The following ABI2 variants were observed in gnomAD, a reference collection of about 807,000 sequenced individuals.
ABI2 encodes the protein abl interactor 2.
In ABI2, 25 loss-of-function variants were observed where a neutral mutation model predicts 59.2. The ratio of observed to expected loss-of-function variants is 0.42; its 90% CI spans 0.31 to 0.59. ABI2 has a LOEUF of 0.59. Ranked by LOEUF, ABI2 falls within the 20% of genes least tolerant of loss-of-function variation. The pLI, the probability that ABI2 is intolerant of heterozygous loss-of-function variation, is 0.14. For missense variants in ABI2, 545 were observed against 681.8 expected (o/e 0.80, Z 2.23); for synonymous variants, 213 against 235.5 (o/e 0.90, Z 0.87).
At chr2:203,339,646 C>G (rs1359032664) in intron 1 of ABI2, among the ~76,000 whole-genome samples, 2 of 150,306 alleles carry the variant, frequency 1.3e-5, no homozygotes, top group Non-Finnish European at 3.0e-5. Flanking sequence ...AAAAATAGGA[C>G]AAACATACAA....
chr2:203,364,709 A>G (rs2094138722), intron 1 of ABI2, among the ~76,000 whole-genome samples: 1 of 151,768 alleles, frequency 6.6e-6, no homozygotes, highest in African/African-American at 2.4e-5. Flanking sequence ...ATTCTTTTAT[A>G]TTAATGCACA....
intron 1 of ABI2, among the ~76,000 whole-genome samples, chr2:203,351,206 T>G (rs1227321435): frequency 6.6e-6 from 1 of 152,212 alleles, no homozygotes; most frequent in African/African-American, 2.4e-5. Context: ...GATCTATATG[T>G]CTATCTGTAT....
chr2:203,355,744 T>C (rs2091587937), intron 1 of ABI2, among the ~76,000 whole-genome samples: 1 of 148,252 alleles, frequency 6.7e-6, no homozygotes, highest in Admixed American at 6.9e-5. Context: ...GGCAGGAGAA[T>C]CGCTTGAATC....
At chr2:203,348,165 C>T (rs926211573) in intron 1 of ABI2, among the ~76,000 whole-genome samples, 21 of 152,120 alleles carry the variant, frequency 1.4e-4, no homozygotes, top group East Asian at 1.9e-4. Flanking sequence ...CGCTTGAACC[C>T]GGGTGGCGAA....
intron 1 of ABI2, among the ~76,000 whole-genome samples, chr2:203,339,919 A>G (rs1273132008): frequency 6.6e-6 from 1 of 152,238 alleles, no homozygotes; most frequent in Non-Finnish European, 1.5e-5. Flanking sequence ...ACGCGTGTAT[A>G]TGAAAAGTCA....
At chr2:203,420,457 G>A (rs1047302386) in intron 11 of ABI2, among the ~76,000 whole-genome samples, 8 of 150,122 alleles carry the variant, frequency 5.3e-5, no homozygotes, top group African/African-American at 1.7e-4. Context: ...GCAGTGGCAC[G>A]GTCTTGGCTC....
intron 2 of ABI2, among the ~76,000 whole-genome samples, chr2:203,371,481 A>G (rs936814199): frequency 1.3e-5 from 2 of 152,246 alleles, no homozygotes; most frequent in Non-Finnish European, 2.9e-5. Context: ...AATTTTTACT[A>G]CATTCATCAT....
At chr2:203,373,945 G>A (rs2095498897) in intron 2 of ABI2, among the ~76,000 whole-genome samples, 1 of 151,844 alleles carries the variant, frequency 6.6e-6, no homozygotes, top group Non-Finnish European at 1.5e-5. Context: ...GATCCCTTGA[G>A]GTCAGGAGTT....
chr2:203,430,972 A>G lies in ABI2; in HGVS notation c.*3620A>G, dbSNP rs760064818. 2.6e-5 allele frequency: 4 copies of G among 152,170 alleles called. No homozygotes were observed. The highest frequency in any genetic ancestry group is 6.5e-5 in the Admixed American group (1 of 15,276). The allele number at this position is 152,170 out of a possible 1,614,324, so 9.4% of individuals were successfully genotyped here. On this transcript the variant is annotated 3_prime_UTR_variant, in exon 12 of 12. Coordinates refer to ENST00000261018, the MANE Select transcript of ABI2 (RefSeq NM_001375670.1). ...TTAAGAACTGTTTTTATCTTTTACT[A>G]CCTTTTCTTTTCTCCTTTGTGGAGA...
chr2:203,359,357 T>A (rs938181057), intron 1 of ABI2, among the ~76,000 whole-genome samples: 1 of 152,238 alleles, frequency 6.6e-6, no homozygotes, highest in Admixed American at 6.5e-5. Flanking sequence ...TGAGTTCTTA[T>A]GAGTGATGTC....
At chr2:203,424,852 T>G (rs2098373436) in intron 11 of ABI2, among the ~76,000 whole-genome samples, 1 of 152,162 alleles carries the variant, frequency 6.6e-6, no homozygotes, top group South Asian at 2.1e-4. Flanking sequence ...ATGTTAAGTG[T>G]AAATTCTATC....
chr2:203,398,183 A>G (rs927095935), intron 8 of ABI2, among the ~76,000 whole-genome samples: 4 of 152,230 alleles, frequency 2.6e-5, no homozygotes, highest in Non-Finnish European at 5.9e-5. Flanking sequence ...GATTCCTTCT[A>G]TATGACTTTT....
At chr2:203,367,951 G>C (rs868113144) in intron 2 of ABI2, among the ~76,000 whole-genome samples, 1 of 151,878 alleles carries the variant, frequency 6.6e-6, no homozygotes, top group South Asian at 2.1e-4. Flanking sequence ...ACTATATTGA[G>C]CTGTGATTAT....
At chr2:203,419,925 T>A (rs1382916573) in intron 11 of ABI2, among the ~76,000 whole-genome samples, 1 of 151,904 alleles carries the variant, frequency 6.6e-6, no homozygotes. Flanking sequence ...GAGGCGGAGG[T>A]TGGGGAGAGC....
At chr2:203,421,631 C>G (rs1452933915) in intron 11 of ABI2, among the ~76,000 whole-genome samples, 1 of 152,148 alleles carries the variant, frequency 6.6e-6, no homozygotes, top group African/African-American at 2.4e-5. Context: ...AAGGTATGAT[C>G]TCAAGCAGAT....
intron 8 of ABI2, among the ~76,000 whole-genome samples, chr2:203,400,763 A>C (rs1399691141): frequency 6.6e-6 from 1 of 152,218 alleles, no homozygotes; most frequent in Non-Finnish European, 1.5e-5. Context: ...AGTCATATAA[A>C]ACCATTTTAT....
chr2:203,367,084 C>G (rs2094516911), intron 2 of ABI2, 40 bp downstream of exon 2: 2 of 1,572,410 alleles, frequency 1.3e-6, no homozygotes, highest in South Asian at 1.2e-5. Flanking sequence ...ATGAGGAACC[C>G]TTAATAATAA....
At chr2:203,395,065 T>A (rs1438339197) in intron 6 of ABI2, 1 of 718,506 alleles carries the variant, frequency 1.4e-6, no homozygotes, top group Non-Finnish European at 2.5e-6. Flanking sequence ...CAGACTTCTC[T>A]CCAAGTTTTA....
chr2:203,394,914 T>C (rs1189595805), intron 6 of ABI2, 68 bp downstream of exon 6: 2 of 1,538,872 alleles, frequency 1.3e-6, no homozygotes, highest in African/African-American at 2.7e-5. Context: ...TTACTTCAGG[T>C]AAATCTCTCA....
Sources: allele counts gnomAD v4.1 joint callset (sites outside exome capture counted in the v4.1 genomes callset), GRCh38; gene constraint gnomAD v4.1.1; transcripts MANE v1.5; gene names NCBI Gene and HGNC (gene_info 2026-07-23, HGNC 2026-07-21).